The following SLC44A5 variants were observed in gnomAD, a reference collection of about 807,000 sequenced individuals.
SLC44A5 encodes solute carrier family 44 member 5.
Under a neutral mutation model 101.8 loss-of-function variants are expected in SLC44A5, and 57 were observed. The ratio of observed to expected loss-of-function variants is 0.56; its 90% CI spans 0.45 to 0.70. SLC44A5 has a LOEUF of 0.70. SLC44A5 is among the 30% of genes least tolerant of loss of function. The probability of loss-of-function intolerance (pLI) is 0.00; values close to 1 mark genes in which losing one functional copy is unlikely to be tolerated. For synonymous variants in SLC44A5, 281 were observed against 290.9 expected (o/e 0.97, Z 0.35); for missense variants, 737 against 853.1 (o/e 0.86, Z 1.70).
chr1:75,538,454 TA>T (rs1166219968), intron 2 of SLC44A5, among the ~76,000 whole-genome samples: 2 of 152,226 alleles, frequency 1.3e-5, no homozygotes, highest in African/African-American at 4.8e-5. Context: ...ACTTACAATA[TA>T]TTTTTTAAAT....
At position 75,259,969 on chromosome 1, in the gene SLC44A5, A is replaced by G. The variant is rs1650351360; in HGVS notation, c.261-8675T>C. 2.6e-5 allele frequency among the ~76,000 whole-genome samples: 4 copies of G among 152,146 alleles called. No individual in the cohort carries two copies. The South Asian group carries it at 6.2e-4, about 24-fold the overall frequency. The stretch of plus-strand genomic sequence containing the variant: ...AAGGAGAAATAAAATCTTTACAATA[A>G]GCAAATGCTGAGAGATTTTGTCACC... On this transcript the variant is annotated intron_variant, in intron 6 of 23. Transcript: ENST00000370859.
At chr1:75,671,358 T>G in the SLC44A5 span, among the ~76,000 whole-genome samples, 2 of 152,120 alleles carry the variant, frequency 1.3e-5, no homozygotes, top group Admixed American at 1.3e-4. Context: ...TCTTCAAAAT[T>G]AGCAAGGCCC....
chr1:75,694,491 T>A, the SLC44A5 span, among the ~76,000 whole-genome samples: 1 of 152,112 alleles, frequency 6.6e-6, no homozygotes, highest in African/African-American at 2.4e-5. Flanking sequence ...TATTTCTCCT[T>A]GTTGTTACAT....
chr1:75,424,358 T>G (rs543380083), intron 2 of SLC44A5, among the ~76,000 whole-genome samples: 46 of 152,266 alleles, frequency 3.0e-4, no homozygotes, highest in African/African-American at 8.9e-4. Flanking sequence ...CAGGCTGGAG[T>G]GCAGTGGCAT....
At chr1:75,593,186 T>C (rs1330081650) in intron 1 of SLC44A5, among the ~76,000 whole-genome samples, 3 of 152,086 alleles carry the variant, frequency 2.0e-5, no homozygotes, top group African/African-American at 4.8e-5. Flanking sequence ...AAGATTTGAA[T>C]TGACATTTCT....
intron 2 of SLC44A5, among the ~76,000 whole-genome samples, chr1:75,452,218 A>G (rs1281440134): frequency 6.6e-6 from 1 of 152,216 alleles, no homozygotes; most frequent in Non-Finnish European, 1.5e-5. Context: ...GAAACCTTAC[A>G]AGCCAGGAGA....
chr1:75,340,445 G>T (rs762198862), intron 3 of SLC44A5, among the ~76,000 whole-genome samples: 8 of 152,082 alleles, frequency 5.3e-5, no homozygotes, highest in Non-Finnish European at 8.8e-5. Context: ...CCTATAAAAA[G>T]GTCTGGTCCT....
intron 17 of SLC44A5, among the ~76,000 whole-genome samples, 162 bp downstream of exon 17, chr1:75,218,328 A>T (rs542499680): frequency 6.6e-6 from 1 of 152,076 alleles, no homozygotes; most frequent in Admixed American, 6.6e-5. Flanking sequence ...GGATTGTAAA[A>T]CTGGCTATGA....
chr1:75,298,247 T>A (rs1654124649), intron 5 of SLC44A5, among the ~76,000 whole-genome samples: 1 of 152,142 alleles, frequency 6.6e-6, no homozygotes, highest in Admixed American at 6.6e-5. Context: ...ATTAAGTTTA[T>A]CTTGAAATGA....
In SLC44A5 at chr1:75,413,673, C is replaced by T. The variant is rs142217116; in HGVS notation, c.14-17052G>A. 2.4e-4 allele frequency among the ~76,000 whole-genome samples: 36 copies of T among 152,280 alleles called. No individual in the cohort carries two copies. In the East Asian group the frequency reaches 6.0e-3, roughly 25 times the overall value. On this transcript the variant is annotated intron_variant, in intron 2 of 23. Transcript: ENST00000370859. The stretch of plus-strand genomic sequence containing the variant: ...CCTTTCTCTCTACCATAGACACTCT[C>T]TGCATGTCCTGAACTCCACAGAATA...
chr1:75,290,973 T>C (rs1213088558), intron 5 of SLC44A5, among the ~76,000 whole-genome samples: 1 of 152,162 alleles, frequency 6.6e-6, no homozygotes, highest in Non-Finnish European at 1.5e-5. Flanking sequence ...GAGAGTAGGA[T>C]GTAAAAGATG....
chr1:75,689,109 G>C, the SLC44A5 span, among the ~76,000 whole-genome samples: 1 of 152,162 alleles, frequency 6.6e-6, no homozygotes, highest in South Asian at 2.1e-4. Flanking sequence ...AAGTACACCT[G>C]GATGGTACTG....
chr1:75,648,563 G>A, the SLC44A5 span, among the ~76,000 whole-genome samples: 1 of 152,032 alleles, frequency 6.6e-6, no homozygotes, highest in African/African-American at 2.4e-5. Flanking sequence ...GAGGAAGAAG[G>A]GAAGGTCAGA....
the SLC44A5 span, among the ~76,000 whole-genome samples, chr1:75,706,365 A>G: frequency 1.3e-5 from 2 of 152,212 alleles, no homozygotes; most frequent in Non-Finnish European, 2.9e-5. Context: ...TTTGACCTCA[A>G]ATATAATTTT....
chr1:75,214,566 C>T (rs1015966487), intron 20 of SLC44A5, 39 bp downstream of exon 20: 5 of 1,519,598 alleles, frequency 3.3e-6, no homozygotes, highest in Non-Finnish European at 4.5e-6. Context: ...TCAAGGTTCA[C>T]TACATTGTTA....
intron 4 of SLC44A5, among the ~76,000 whole-genome samples, chr1:75,335,115 A>C (rs746073162): frequency 6.6e-6 from 1 of 152,238 alleles, no homozygotes; most frequent in African/African-American, 2.4e-5. Context: ...TGGTATTCAA[A>C]GCCCTACATA....
intron 14 of SLC44A5, 48 bp from the exon 15 acceptor site, chr1:75,219,940 A>C: frequency 7.8e-7 from 1 of 1,285,646 alleles, no homozygotes; most frequent in South Asian, 1.3e-5. Flanking sequence ...ACTAGAAATA[A>C]GCTTTAGACT....
chr1:75,716,028 G>A, the SLC44A5 span, among the ~76,000 whole-genome samples: 1 of 152,124 alleles, frequency 6.6e-6, no homozygotes, highest in Non-Finnish European at 1.5e-5. Context: ...TTGAAAAGAA[G>A]AGAGACACGT....
intron 4 of SLC44A5, among the ~76,000 whole-genome samples, chr1:75,314,561 A>G (rs1655549716): frequency 6.6e-6 from 1 of 152,190 alleles, no homozygotes; most frequent in Admixed American, 6.6e-5. Flanking sequence ...ACAATAGGTG[A>G]GATACAACTT....
Sources: gnomAD v4.1 joint callset for allele counts (sites outside exome capture counted in the v4.1 genomes callset) on GRCh38, gnomAD v4.1.1 for gene constraint, MANE v1.5 for transcripts, NCBI Gene and HGNC (gene_info 2026-07-23, HGNC 2026-07-21) for gene names.